SLC25A21: variants seen among roughly 807,000 people sequenced by gnomAD.
SLC25A21 encodes the protein mitochondrial 2-oxodicarboxylate carrier.
In SLC25A21, 47 loss-of-function variants were observed where a neutral mutation model predicts 43.8. The ratio of observed to expected loss-of-function variants is 1.07; its 90% CI spans 0.85 to 1.37. SLC25A21 has a LOEUF of 1.37. SLC25A21 is among the 40% of genes most tolerant of loss of function. SLC25A21 has a pLI of 0.00. For synonymous variants in SLC25A21, 131 were observed against 121.3 expected, an observed-to-expected ratio of 1.08 and a Z score of -0.52; for missense variants, 352 against 350.2, an observed-to-expected ratio of 1.00 and a Z score of -0.04.
chr14:37,088,438 C>T (rs1382126799), intron 1 of SLC25A21, among the ~76,000 whole-genome samples: 1 of 152,168 alleles, frequency 6.6e-6, no homozygotes, highest in Non-Finnish European at 1.5e-5. Context: ...TTTTAATACT[C>T]ACAGGTTTTT....
chr14:36,963,621 C>T (rs1446847162), intron 1 of SLC25A21, among the ~76,000 whole-genome samples: 1 of 152,130 alleles, frequency 6.6e-6, no homozygotes, highest in Non-Finnish European at 1.5e-5. Context: ...GAACACGGGG[C>T]CGCTACAACC....
chr14:36,892,666 T>G (rs1184632035), intron 1 of SLC25A21, among the ~76,000 whole-genome samples: 9 of 152,108 alleles, frequency 5.9e-5, no homozygotes, highest in African/African-American at 2.2e-4. Flanking sequence ...TCATTTAACA[T>G]TAGGTATATC....
At chr14:36,766,253 G>T (rs1309071710) in intron 3 of SLC25A21, among the ~76,000 whole-genome samples, 1 of 152,120 alleles carries the variant, frequency 6.6e-6, no homozygotes, top group East Asian at 1.9e-4. Context: ...AGAATAGAAA[G>T]TGTTCACATT....
intron 1 of SLC25A21, among the ~76,000 whole-genome samples, chr14:36,983,020 A>T (rs1003465251): frequency 1.3e-5 from 2 of 152,210 alleles, no homozygotes; most frequent in Non-Finnish European, 2.9e-5. Context: ...ACCATAAAGT[A>T]TGATTGAATA....
chr14:36,828,206 T>C (rs2138474817), intron 2 of SLC25A21, among the ~76,000 whole-genome samples: 1 of 151,976 alleles, frequency 6.6e-6, no homozygotes, highest in East Asian at 1.9e-4. Context: ...CTAAACCTCC[T>C]GCTCCCTTTT....
chr14:37,142,903 T>C (rs1382386301), intron 1 of SLC25A21, among the ~76,000 whole-genome samples: 3 of 152,146 alleles, frequency 2.0e-5, no homozygotes, highest in African/African-American at 7.2e-5. Context: ...AACAATGAAA[T>C]CATTATTTGA....
chr14:37,161,356 T>G (rs745906133), intron 1 of SLC25A21, among the ~76,000 whole-genome samples: 45 of 152,240 alleles, frequency 3.0e-4, no homozygotes, highest in Non-Finnish European at 5.3e-4. Context: ...TATAGCAGGT[T>G]GAAGACTGAG....
At chr14:36,810,140 T>C (rs967033541) in intron 3 of SLC25A21, among the ~76,000 whole-genome samples, 1 of 152,236 alleles carries the variant, frequency 6.6e-6, no homozygotes, top group Non-Finnish European at 1.5e-5. Flanking sequence ...TCTTTGGCTT[T>C]TGGCTAACAG....
chr14:36,753,296 T>TA (rs1885785029), intron 3 of SLC25A21, among the ~76,000 whole-genome samples: 1 of 151,350 alleles, frequency 6.6e-6, no homozygotes, highest in African/African-American at 2.4e-5. Flanking sequence ...AACAGGAGAG[T>TA]AACTGGTTGC....
intron 3 of SLC25A21, among the ~76,000 whole-genome samples, chr14:36,796,679 C>T (rs1416474050): frequency 6.6e-6 from 1 of 152,070 alleles, no homozygotes; most frequent in Non-Finnish European, 1.5e-5. Flanking sequence ...AAGATTCTGA[C>T]ATTTCCAGAC....
At chr14:36,870,967 T>C (rs1352557156) in intron 2 of SLC25A21, 1 of 152,084 alleles carries the variant, frequency 6.6e-6, no homozygotes, top group Non-Finnish European at 1.5e-5. Flanking sequence ...ATAGGTTGGG[T>C]GAAAAGGACA....
intron 1 of SLC25A21, among the ~76,000 whole-genome samples, chr14:37,138,134 G>C (rs879854249): frequency 6.6e-6 from 1 of 152,114 alleles, no homozygotes; most frequent in South Asian, 2.1e-4. Flanking sequence ...AGAGCCAGAT[G>C]TAATATCCCA....
At chr14:36,871,808 GATTTT>G (rs1237496407) in intron 2 of SLC25A21, among the ~76,000 whole-genome samples, 1 of 151,410 alleles carries the variant, frequency 6.6e-6, no homozygotes, top group African/African-American at 2.4e-5. Flanking sequence ...TTTTTAATTG[GATTTT>G]ATTTTATTTT....
At chr14:36,920,333 T>C (rs759128933) in intron 1 of SLC25A21, among the ~76,000 whole-genome samples, 11 of 152,092 alleles carry the variant, frequency 7.2e-5, no homozygotes, top group Non-Finnish European at 1.3e-4. Context: ...GAGACAAGAA[T>C]GTGGTTATAT....
chr14:37,065,878 C>T (rs1285737988), intron 1 of SLC25A21, among the ~76,000 whole-genome samples: 1 of 152,128 alleles, frequency 6.6e-6, no homozygotes, highest in Non-Finnish European at 1.5e-5. Context: ...AGGAATTGAA[C>T]ACTCTTTTGA....
chr14:36,972,740 G>A (rs1453884328), intron 1 of SLC25A21, among the ~76,000 whole-genome samples: 2 of 152,194 alleles, frequency 1.3e-5, no homozygotes, highest in African/African-American at 4.8e-5. Context: ...CAAAAGCCTG[G>A]AGTATATAGG....
At chr14:37,141,374 TA>T (rs1963567840) in intron 1 of SLC25A21, among the ~76,000 whole-genome samples, 1 of 152,078 alleles carries the variant, frequency 6.6e-6, no homozygotes, top group Non-Finnish European at 1.5e-5. Flanking sequence ...CCTCAACACA[TA>T]AAACACACAA....
rs1179945678 is a variant in SLC25A21, at chr14:37,161,843, G to C, written c.70+10438C>G. On this transcript the variant is annotated intron_variant, in intron 1 of 9. Transcript: ENST00000331299. Reference sequence around the variant, plus strand: ...CAAGGCATGGTGGTGGGCACCTGTAGTCCCAGCTACTCGGCAGGCTGAGGC... The same window carrying C: ...CAAGGCATGGTGGTGGGCACCTGTACTCCCAGCTACTCGGCAGGCTGAGGC... 2.0e-5 allele frequency among the ~76,000 whole-genome samples: 3 copies of C among 151,468 alleles called. No individual in the cohort carries two copies. The East Asian group carries it at 5.9e-4, about 30-fold the overall frequency.
Position 36,741,713 on chromosome 14 carries a change from A to T in SLC25A21, c.204-7140T>A, listed in dbSNP as rs561331447. On this transcript the variant is annotated intron_variant, in intron 3 of 9. Transcript: ENST00000331299. ...CACACTCACACACAGCATGAGAAGG[A>T]TGCTTTCACCTGGATCCCACTTCTT... is the stretch of plus-strand genomic sequence containing the variant. Among the ~76,000 whole-genome samples the T allele has an allele frequency of 2.2e-4, 34 of 152,316 alleles. No homozygotes were observed. The South Asian group carries it at 4.6e-3, about 20-fold the overall frequency.
Sources: gnomAD v4.1 joint callset for allele counts (sites outside exome capture counted in the v4.1 genomes callset) on GRCh38, gnomAD v4.1.1 for gene constraint, MANE v1.5 for transcripts, NCBI Gene and HGNC (gene_info 2026-07-23, HGNC 2026-07-21) for gene names.